The following POU2F1 variants were observed in gnomAD, a reference collection of about 807,000 sequenced individuals.
POU2F1 encodes POU domain, class 2, transcription factor 1.
POU2F1 carries 16 observed loss-of-function variants against 84.9 expected under a neutral mutation model. The ratio of observed to expected loss-of-function variants is 0.19; its 90% CI spans 0.13 to 0.29. The LOEUF is 0.29. Among genes scored for constraint, POU2F1 ranks in the 10% least tolerant of loss-of-function variants. The pLI is 1.00. For synonymous variants in POU2F1, 368 were observed against 368.3 expected (o/e 1.00, Z 0.01); for missense variants, 738 against 942.6 (o/e 0.78, Z 2.84).
chr1:167,234,480 C>G (rs1233355764), intron 1 of POU2F1, among the ~76,000 whole-genome samples: 1 of 152,000 alleles, frequency 6.6e-6, no homozygotes, highest in African/African-American at 2.4e-5. Flanking sequence ...GCTTGTAATC[C>G]CAGCACTTTG....
intron 7 of POU2F1, among the ~76,000 whole-genome samples, chr1:167,376,936 T>G (rs1455062665): frequency 6.6e-6 from 1 of 152,232 alleles, no homozygotes; most frequent in Admixed American, 6.5e-5. Flanking sequence ...AGATTTGATA[T>G]GCACACAATG....
rs200088732 is a variant in POU2F1, at chr1:167,254,514, TG to T, written c.61+33557del. ...ATTCATGTCATAGTCATGTTTCACA[TG>T]TATCTTAATTCTTACTGCATAAAAT... is the stretch of plus-strand genomic sequence containing the variant. On this transcript the variant is annotated intron_variant, in intron 1 of 15. Coordinates refer to ENST00000367866, the MANE Select transcript of POU2F1 (RefSeq NM_002697.4). 7.7e-3 allele frequency among the ~76,000 whole-genome samples: 1,174 copies of T among 152,348 alleles called. 12 individuals carry two copies. Among genetic ancestry groups the T allele is most frequent in the African/African-American group, 0.025 (1,037 of 41,574 alleles).
intron 4 of POU2F1, among the ~76,000 whole-genome samples, chr1:167,370,719 A>G (rs1422726680): frequency 6.6e-6 from 1 of 152,210 alleles, no homozygotes; most frequent in East Asian, 1.9e-4. Context: ...TCTCATCTGT[A>G]CTTAAGTGGG....
chr1:167,346,172 AT>A (rs1234921023), intron 2 of POU2F1, among the ~76,000 whole-genome samples: 1 of 151,392 alleles, frequency 6.6e-6, no homozygotes, highest in Admixed American at 6.6e-5. Context: ...GAGACCCTGG[AT>A]TTTTTTTTAA....
At chr1:167,297,263 C>T (rs1020857646) in intron 1 of POU2F1, among the ~76,000 whole-genome samples, 23 of 152,080 alleles carry the variant, frequency 1.5e-4, no homozygotes, top group African/African-American at 3.6e-4. Flanking sequence ...AATAATTTAA[C>T]GTATTTGTTA....
intron 6 of POU2F1, among the ~76,000 whole-genome samples, chr1:167,374,858 G>T (rs887069862): frequency 2.0e-5 from 3 of 152,106 alleles, no homozygotes; most frequent in African/African-American, 7.2e-5. Context: ...ACTAGGTCAG[G>T]AGTTCGAGAC....
intron 7 of POU2F1, among the ~76,000 whole-genome samples, chr1:167,378,509 C>T (rs1049596735): frequency 5.9e-5 from 9 of 151,292 alleles, no homozygotes; most frequent in Non-Finnish European, 1.3e-4. Flanking sequence ...TGTGTTCAAG[C>T]GATTCTCCTG....
At chr1:167,291,985 T>C (rs557963730) in intron 1 of POU2F1, among the ~76,000 whole-genome samples, 1 of 152,144 alleles carries the variant, frequency 6.6e-6, no homozygotes, top group Non-Finnish European at 1.5e-5. Context: ...ATGGCTGTTA[T>C]ACTGACTTGT....
At chr1:167,323,296 A>G (rs990488314) in intron 1 of POU2F1, among the ~76,000 whole-genome samples, 2 of 152,240 alleles carry the variant, frequency 1.3e-5, no homozygotes, top group African/African-American at 4.8e-5. Flanking sequence ...TAATAGAGCT[A>G]CACAAAGATT....
chr1:167,319,695 A>G (rs563332052), intron 1 of POU2F1, among the ~76,000 whole-genome samples: 2 of 151,486 alleles, frequency 1.3e-5, no homozygotes, highest in Non-Finnish European at 2.9e-5. Flanking sequence ...CAAGCAGAAG[A>G]CTCTCCTGAT....
intron 1 of POU2F1, among the ~76,000 whole-genome samples, chr1:167,310,066 A>G (rs1655352304): frequency 6.6e-6 from 1 of 152,180 alleles, no homozygotes; most frequent in Non-Finnish European, 1.5e-5. Flanking sequence ...ATGTGCGAAG[A>G]TGATTTATGT....
intron 1 of POU2F1, among the ~76,000 whole-genome samples, chr1:167,221,303 C>G (rs1648134231): frequency 6.6e-6 from 1 of 150,580 alleles, no homozygotes; most frequent in Non-Finnish European, 1.5e-5. Flanking sequence ...TGCCCGAACC[C>G]GAGCGGGTCC....
intron 1 of POU2F1, among the ~76,000 whole-genome samples, chr1:167,321,398 C>T (rs558180301): frequency 2.0e-5 from 3 of 152,154 alleles, no homozygotes; most frequent in Admixed American, 6.5e-5. Context: ...AAATCTATGA[C>T]TATTAAAGGT....
chr1:167,355,667 A>G (rs759702476), intron 2 of POU2F1, among the ~76,000 whole-genome samples: 2 of 152,216 alleles, frequency 1.3e-5, no homozygotes, highest in Non-Finnish European at 2.9e-5. Flanking sequence ...ATACTATAAT[A>G]ACTGCACATT....
intron 7 of POU2F1, among the ~76,000 whole-genome samples, chr1:167,377,251 T>G (rs1175326127): frequency 6.6e-6 from 1 of 152,198 alleles, no homozygotes; most frequent in Admixed American, 6.5e-5. Flanking sequence ...AGTTTGACCT[T>G]AAATCCTATA....
Position 167,255,959 on chromosome 1 carries a change from G to A in POU2F1, c.61+35001G>A, listed in dbSNP as rs962757842. Among the ~76,000 whole-genome samples the A allele has an allele frequency of 4.8e-4, 73 of 152,244 alleles. 1 individual carries two copies. Among genetic ancestry groups the A allele is most frequent in the African/African-American group, 1.7e-3 (72 of 41,552 alleles). On this transcript the variant is annotated intron_variant, in intron 1 of 15. Transcript: ENST00000367866. The stretch of plus-strand genomic sequence containing the variant: ...TAGAGAACATCTGTGTTTTTGCTTG[G>A]AGGGACTCACTCCTTTCCTACTTTT...
Position 167,419,601 on chromosome 1 carries a change from T to G in POU2F1, c.*3791T>G, listed in dbSNP as rs1275476598. On this transcript the variant is annotated 3_prime_UTR_variant, in exon 16 of 16. Coordinates refer to ENST00000367866, the MANE Select transcript of POU2F1 (RefSeq NM_002697.4). ...GCTTCTCACAGGAACAATATTACTA[T>G]GTTGTTCTAAGAAAAAATAAGTTGA... 1 of 152,228 alleles carries G rather than the reference T, an allele frequency of 6.6e-6. No homozygotes were observed. The highest frequency in any genetic ancestry group is 1.5e-5 in the Non-Finnish European group (1 of 68,034). The allele number at this position is 152,228 out of a possible 1,614,324, so 9.4% of individuals were successfully genotyped here.
intron 1 of POU2F1, among the ~76,000 whole-genome samples, chr1:167,291,044 G>GAA (rs56798282): frequency 1.1e-4 from 13 of 117,386 alleles, no homozygotes; most frequent in African/African-American, 1.8e-4. Flanking sequence ...GACCCTGTCA[G>GAA]AAAAAAAAAA....
Position 167,425,059 on chromosome 1 carries a change from ATTAT to A in POU2F1, c.*9252_*9255del, listed in dbSNP as rs1476627615. ...ATTTAAGTTTATTATTATTATTATTATTATTTGACAATCTTATATCCAATGGGCT... is the reference window on the plus strand; with the variant it reads ...ATTTAAGTTTATTATTATTATTATTATTGACAATCTTATATCCAATGGGCT... On this transcript the variant is annotated 3_prime_UTR_variant, in exon 16 of 16. Transcript: ENST00000367866. 4 of 151,862 alleles carry A rather than the reference ATTAT, an allele frequency of 2.6e-5. No individual in the cohort carries two copies. The highest frequency in any genetic ancestry group is 2.6e-4 in the Admixed American group (4 of 15,266). The allele number at this position is 151,862 out of a possible 1,614,324, so 9.4% of individuals were successfully genotyped here.
Sources: allele counts gnomAD v4.1 joint callset (sites outside exome capture counted in the v4.1 genomes callset), GRCh38; gene constraint gnomAD v4.1.1; transcripts MANE v1.5; gene names NCBI Gene and HGNC (gene_info 2026-07-23, HGNC 2026-07-21).